Variants in GPR141 observed in about 807,000 individuals in gnomAD.
The protein encoded by GPR141 is probable G protein-coupled receptor 141.
In GPR141, 6 loss-of-function variants were observed where a neutral mutation model predicts 6.8. The ratio of observed to expected loss-of-function variants is 0.88; its 90% CI spans 0.48 to 1.74. The LOEUF is 1.74. GPR141 is among the 40% of genes most tolerant of loss of function. The pLI is 0.01. For missense variants in GPR141, 372 were observed against 372.9 expected (o/e 1.00, Z 0.02); for synonymous variants, 140 against 142.3 (o/e 0.98, Z 0.11).
At chr7:37,688,296 G>C (rs1265620861) in intron 2 of GPR141, among the ~76,000 whole-genome samples, 1 of 152,026 alleles carries the variant, frequency 6.6e-6, no homozygotes, top group African/African-American at 2.4e-5. Flanking sequence ...CTGGGGCATG[G>C]TGGTACACGC....
chr7:37,733,048 C>A (rs1394400444), intron 2 of GPR141, among the ~76,000 whole-genome samples: 2 of 151,998 alleles, frequency 1.3e-5, no homozygotes, highest in Non-Finnish European at 2.9e-5. Context: ...GGGGAGTGAG[C>A]CAAAGTGTGT....
chr7:37,732,049 A>ATTTAT (rs1218094644), intron 2 of GPR141, among the ~76,000 whole-genome samples: 1 of 146,160 alleles, frequency 6.8e-6, no homozygotes, highest in Non-Finnish European at 1.5e-5. Context: ...TTATTTATTT[A>ATTTAT]TTTATTTTAT....
At chr7:37,722,205 A>C (rs1378463436) in intron 2 of GPR141, among the ~76,000 whole-genome samples, 1 of 152,230 alleles carries the variant, frequency 6.6e-6, no homozygotes, top group Non-Finnish European at 1.5e-5. Flanking sequence ...AGTTATTTAT[A>C]ACAATAAGTT....
Position 37,742,256 on chromosome 7 carries a change from A to G in GPR141, c.*945A>G, listed in dbSNP as rs1158869110. On this transcript the variant is annotated 3_prime_UTR_variant, in exon 3 of 3. Coordinates refer to ENST00000334425, the MANE Select transcript of GPR141 (RefSeq NM_001381946.1). ...CGCCGTTAAAATTATATATATATAT[A>G]TTTAAATTATACCTTAAGTTCTGGG... Among the ~76,000 whole-genome samples, 1 of 151,858 alleles carries G rather than the reference A, an allele frequency of 6.6e-6. No homozygotes were observed. Among genetic ancestry groups the G allele is most frequent in the Non-Finnish European group, 1.5e-5 (1 of 67,978 alleles).
chr7:37,706,869 A>G (rs886624030), intron 2 of GPR141, among the ~76,000 whole-genome samples: 1 of 152,202 alleles, frequency 6.6e-6, no homozygotes, highest in African/African-American at 2.4e-5. Context: ...CCTTGCAAAT[A>G]GCCTGGGCAT....
chr7:37,741,165 T>G lies in GPR141; in HGVS notation c.772T>G (p.Cys258Gly). 6.2e-7 allele frequency: 1 copy of G among 1,614,044 alleles called. No homozygotes were observed. The highest frequency in any genetic ancestry group is 1.1e-5 in the South Asian group (1 of 91,084). ...GAATGTTGTGACGCATTCCAATGCC[T>G]GTAACAGCAAGGTTGCATTTTATAA... Reference protein sequence around the residue: ...YLNVVTHSNACNSKVAFYNEI... With the variant: ...YLNVVTHSNAGNSKVAFYNEI... The change falls in exon 3 of 3, where the codon TGT (cysteine) becomes GGT (glycine). Residue 258 changes from cysteine to glycine, a missense_variant. By Grantham distance (159) the Cys-to-Gly change is radical. Transcript: ENST00000334425.
intron 2 of GPR141, among the ~76,000 whole-genome samples, chr7:37,696,360 C>G (rs1810014790): frequency 1.3e-5 from 2 of 152,108 alleles, no homozygotes; most frequent in Non-Finnish European, 2.9e-5. Flanking sequence ...TTTTTAGAGA[C>G]AAAACCCCTT....
intron 2 of GPR141, among the ~76,000 whole-genome samples, chr7:37,738,254 T>C (rs1812342887): frequency 6.6e-6 from 1 of 152,196 alleles, no homozygotes; most frequent in Admixed American, 6.5e-5. Flanking sequence ...GAAGATGTGT[T>C]TCTCATATCT....
chr7:37,743,509 C>A lies in GPR141; in HGVS notation c.*2198C>A, dbSNP rs1173598345. Among the ~76,000 whole-genome samples the A allele has an allele frequency of 6.6e-6, 1 of 150,990 alleles. No individual in the cohort carries two copies. The highest frequency in any genetic ancestry group is 2.4e-5 in the African/African-American group (1 of 41,120). ...AAAATTTGTAAGACCGTTACTAAGA[C>A]CCCTGATAGTTTTAAGAAAATTTAT... On this transcript the variant is annotated 3_prime_UTR_variant, in exon 3 of 3. Transcript: ENST00000334425.
In GPR141 at chr7:37,688,483, G is replaced by C. The variant is rs181399654; in HGVS notation, c.-15+2900G>C. ...ATAAAATTACAATGTAGTAAAAAGA[G>C]ATATAAAACTGACAGTTAGAGAATG... On this transcript the variant is annotated intron_variant, in intron 2 of 2. Transcript: ENST00000334425. 1.8e-3 allele frequency among the ~76,000 whole-genome samples: 277 copies of C among 152,222 alleles called. 3 individuals are homozygous for C. The highest frequency in any genetic ancestry group is 6.4e-3 in the African/African-American group (267 of 41,522).
intron 2 of GPR141, among the ~76,000 whole-genome samples, chr7:37,738,813 C>G (rs775817249): frequency 2.0e-4 from 30 of 152,082 alleles, no homozygotes; most frequent in Non-Finnish European, 4.1e-4. Context: ...CTTGAGCTAT[C>G]TGATTTGCTT....
chr7:37,705,763 C>T (rs1451881081), intron 2 of GPR141, among the ~76,000 whole-genome samples: 3 of 152,148 alleles, frequency 2.0e-5, no homozygotes, highest in African/African-American at 4.8e-5. Context: ...GACAGCTATA[C>T]GGTATTCCCA....
At chr7:37,705,143 A>G (rs1159535841) in intron 2 of GPR141, among the ~76,000 whole-genome samples, 1 of 152,244 alleles carries the variant, frequency 6.6e-6, no homozygotes, top group African/African-American at 2.4e-5. Context: ...TATTGAAGAC[A>G]ATTAAAATAT....
intron 2 of GPR141, among the ~76,000 whole-genome samples, chr7:37,689,255 G>A (rs1453839901): frequency 6.6e-6 from 1 of 152,076 alleles, no homozygotes; most frequent in Non-Finnish European, 1.5e-5. Context: ...TGGTCATGGT[G>A]AATAATCTTT....
At position 37,740,430 on chromosome 7, in the gene GPR141, G is replaced by T. The variant is rs141399721; in HGVS notation, c.37G>T (p.Asp13Tyr). 26 of 1,606,516 alleles carry T rather than the reference G, an allele frequency of 1.6e-5. No homozygotes were observed. The East Asian group carries it at 5.1e-4, about 32-fold the overall frequency. The change falls in exon 3 of 3, where the codon GAT becomes TAT. Residue 13 changes from aspartate to tyrosine, a missense_variant. Physicochemically the swap from Asp to Tyr is radical, Grantham distance 160 (BLOSUM62 -3). Coordinates refer to ENST00000334425, the MANE Select transcript of GPR141 (RefSeq NM_001381946.1). ...GHNTSRNSSC[D>Y]PIVTPHLISL... ...CAATACCTCCAGGAATTCCTCTTGC[G>T]ATCCTATAGTGACACCCCACTTAAT...
At chr7:37,699,606 CTTTA>C (rs1269238699) in intron 2 of GPR141, among the ~76,000 whole-genome samples, 5 of 152,228 alleles carry the variant, frequency 3.3e-5, no homozygotes, top group African/African-American at 1.2e-4. Flanking sequence ...TCCAGTAAAA[CTTTA>C]TTTATAAAAT....
At chr7:37,693,918 A>G (rs188889930) in intron 2 of GPR141, among the ~76,000 whole-genome samples, 35 of 152,306 alleles carry the variant, frequency 2.3e-4, no homozygotes, top group African/African-American at 7.7e-4. Context: ...TGTAAAGACA[A>G]AGTTCCCAAG....
Position 37,740,860 on chromosome 7 carries a change from G to A in GPR141, c.467G>A (p.Gly156Glu). The change falls in exon 3 of 3, where the codon GGA becomes GAA. Residue 156 changes from glycine (G) to glutamate (E), a missense_variant. Physicochemically the swap from Gly to Glu is moderately conservative, Grantham distance 98. Transcript: ENST00000334425. ...IVVPLVVSRY[G>E]IHEEYNEEHC... Reference sequence around the variant, plus strand: ...GTACCCCTGGTTGTCTCCCGGTATGGAATCCATGAGGAATACAATGAGGAG... The same window carrying A: ...GTACCCCTGGTTGTCTCCCGGTATGAAATCCATGAGGAATACAATGAGGAG... The A allele has an allele frequency of 6.2e-7, 1 of 1,614,076 alleles. No homozygotes were observed. Among genetic ancestry groups the A allele is most frequent in the Non-Finnish European group, 8.5e-7 (1 of 1,179,948 alleles).
intron 2 of GPR141, among the ~76,000 whole-genome samples, chr7:37,729,196 A>G (rs1174185083): frequency 6.6e-6 from 1 of 152,172 alleles, no homozygotes; most frequent in Non-Finnish European, 1.5e-5. Flanking sequence ...TTTCTCTAAC[A>G]GTAACCAAAG....
Sources: allele counts gnomAD v4.1 joint callset (sites outside exome capture counted in the v4.1 genomes callset), GRCh38; gene constraint gnomAD v4.1.1; transcripts MANE v1.5; gene names NCBI Gene and HGNC (gene_info 2026-07-23, HGNC 2026-07-21).